The following MTMR7 variants were observed in gnomAD, a reference collection of about 807,000 sequenced individuals.
The protein encoded by MTMR7 is phosphatidylinositol-3-phosphate phosphatase MTMR7.
A neutral mutation model predicts 81.2 loss-of-function variants in MTMR7; 76 were observed. The observed-to-expected ratio is 0.94, with a 90% confidence interval of 0.78 to 1.13. The LOEUF is 1.13. MTMR7 is among the 50% of genes most tolerant of loss of function. The pLI is 0.00. For missense variants in MTMR7, 1,044 were observed against 820.0 expected (o/e 1.27, Z -3.34); for synonymous variants, 372 against 289.8 (o/e 1.28, Z -2.88).
intron 13 of MTMR7, 139 bp from the exon 14 acceptor site, chr8:17,300,363 C>T (rs1358269474): frequency 1.0e-6 from 1 of 956,536 alleles, no homozygotes; most frequent in East Asian, 2.6e-5. Flanking sequence ...TGAGTTCAAA[C>T]CTGGACTTCA....
chr8:17,348,167 T>G (rs1819617024), intron 5 of MTMR7, among the ~76,000 whole-genome samples: 1 of 152,128 alleles, frequency 6.6e-6, no homozygotes, highest in Non-Finnish European at 1.5e-5. Context: ...TAAATAATAT[T>G]TTAAAAATAA....
At chr8:17,353,538 A>T (rs1466288361) in intron 4 of MTMR7, among the ~76,000 whole-genome samples, 1 of 152,260 alleles carries the variant, frequency 6.6e-6, no homozygotes, top group Non-Finnish European at 1.5e-5. Context: ...CAAAACTCTG[A>T]CAATACATAA....
At chr8:17,402,716 T>A (rs1821464094) in intron 1 of MTMR7, among the ~76,000 whole-genome samples, 1 of 152,234 alleles carries the variant, frequency 6.6e-6, no homozygotes, top group Admixed American at 6.5e-5. Flanking sequence ...AATGCTGCCA[T>A]AAGCATGGGA....
At chr8:17,401,967 T>C (rs1198177075) in intron 1 of MTMR7, among the ~76,000 whole-genome samples, 1 of 152,192 alleles carries the variant, frequency 6.6e-6, no homozygotes, top group Non-Finnish European at 1.5e-5. Flanking sequence ...ACAAAACATA[T>C]TTTATAGGGT....
At chr8:17,330,007 G>A (rs1475815343) in intron 7 of MTMR7, among the ~76,000 whole-genome samples, 2 of 152,168 alleles carry the variant, frequency 1.3e-5, no homozygotes, top group African/African-American at 4.8e-5. Flanking sequence ...CCCATAGAAA[G>A]TATTGGCCTA....
At chr8:17,354,433 T>A (rs1338313900) in intron 4 of MTMR7, among the ~76,000 whole-genome samples, 1 of 152,236 alleles carries the variant, frequency 6.6e-6, no homozygotes, top group Non-Finnish European at 1.5e-5. Context: ...AAAGACAATT[T>A]CAAGGGTTAG....
intron 12 of MTMR7, among the ~76,000 whole-genome samples, chr8:17,303,862 G>A (rs1182464600): frequency 1.3e-5 from 2 of 152,032 alleles, no homozygotes; most frequent in Admixed American, 6.6e-5. Flanking sequence ...CACCCGCCTC[G>A]GCTAATACAT....
intron 11 of MTMR7, among the ~76,000 whole-genome samples, chr8:17,304,768 T>TGTGTGTGTGTGTGTGTGTGTGTGTGTG (rs1563315402): frequency 4.1e-5 from 6 of 147,512 alleles, no homozygotes; most frequent in African/African-American, 1.5e-4. Context: ...TGTGTGTGTG[T>TGTGTGTGTGTGTGTGTGTGTGTGTGTG]TAAGCTGTTC....
At chr8:17,368,428 G>C (rs1285566110) in intron 3 of MTMR7, among the ~76,000 whole-genome samples, 1 of 152,158 alleles carries the variant, frequency 6.6e-6, no homozygotes, top group African/African-American at 2.4e-5. Context: ...TATCGAGAGA[G>C]CTACATTTTA....
At chr8:17,377,796 G>A (rs1258931677) in intron 1 of MTMR7, among the ~76,000 whole-genome samples, 2 of 151,822 alleles carry the variant, frequency 1.3e-5, no homozygotes, top group Non-Finnish European at 1.5e-5. Flanking sequence ...AGTTTTTAAG[G>A]GAAGCATTTT....
At chr8:17,402,349 T>C (rs1821451536) in intron 1 of MTMR7, among the ~76,000 whole-genome samples, 1 of 152,214 alleles carries the variant, frequency 6.6e-6, no homozygotes, top group Non-Finnish European at 1.5e-5. Context: ...ACTCATTCTT[T>C]CTAACTACTT....
intron 1 of MTMR7, among the ~76,000 whole-genome samples, chr8:17,412,798 C>T (rs1486356056): frequency 2.0e-5 from 3 of 152,162 alleles, no homozygotes; most frequent in African/African-American, 7.2e-5. Context: ...GAAGGCCGAG[C>T]CGGGTGGGCC....
chr8:17,403,119 G>C (rs1350803334), intron 1 of MTMR7, among the ~76,000 whole-genome samples: 2 of 152,052 alleles, frequency 1.3e-5, no homozygotes, highest in African/African-American at 4.8e-5. Context: ...CTATAGAGTT[G>C]TTTGAGCCCC....
intron 6 of MTMR7, among the ~76,000 whole-genome samples, chr8:17,334,735 G>A (rs966912200): frequency 1.4e-4 from 22 of 152,196 alleles, no homozygotes; most frequent in African/African-American, 5.1e-4. Flanking sequence ...GGCACCCAGT[G>A]GTCCCAGATG....
intron 7 of MTMR7, among the ~76,000 whole-genome samples, chr8:17,320,042 C>G (rs1469145006): frequency 1.3e-5 from 2 of 152,174 alleles, no homozygotes; most frequent in South Asian, 2.1e-4. Context: ...TGCAAAAACA[C>G]TTCATTACTA....
At chr8:17,374,786 C>G (rs1479447993) in intron 1 of MTMR7, among the ~76,000 whole-genome samples, 2 of 151,720 alleles carry the variant, frequency 1.3e-5, no homozygotes, top group African/African-American at 4.8e-5. Flanking sequence ...GAACTCCAGC[C>G]TGGGTGACAG....
chr8:17,309,646 CTT>C (rs1412219254), intron 9 of MTMR7, among the ~76,000 whole-genome samples: 1 of 152,170 alleles, frequency 6.6e-6, no homozygotes, highest in East Asian at 1.9e-4. Flanking sequence ...TATTCTCACT[CTT>C]TTAGAAGGGG....
At chr8:17,374,580 C>G (rs1820516242) in intron 1 of MTMR7, among the ~76,000 whole-genome samples, 1 of 151,812 alleles carries the variant, frequency 6.6e-6, no homozygotes, top group South Asian at 2.1e-4. Flanking sequence ...GAGATTGCGC[C>G]ACCGTACCGT....
intron 4 of MTMR7, among the ~76,000 whole-genome samples, chr8:17,352,034 C>A (rs1453082834): frequency 6.6e-6 from 1 of 152,166 alleles, no homozygotes; most frequent in African/African-American, 2.4e-5. Flanking sequence ...CACAAAGCAA[C>A]CACAAGGCAA....
Sources: allele counts gnomAD v4.1 joint callset (sites outside exome capture counted in the v4.1 genomes callset), GRCh38; gene constraint gnomAD v4.1.1; transcripts MANE v1.5; gene names NCBI Gene and HGNC (gene_info 2026-07-23, HGNC 2026-07-21).